LRRC28: variants seen among roughly 807,000 people sequenced by gnomAD.
LRRC28 encodes leucine rich repeat containing 28, also known as leucine-rich repeat-containing protein 28.
In LRRC28, 39 loss-of-function variants were observed where a neutral mutation model predicts 45.7. That is an observed-to-expected ratio of 0.85 (90% CI 0.66 to 1.12). LRRC28 has a LOEUF of 1.12. Among genes scored for constraint, LRRC28 ranks in the 50% most tolerant of loss-of-function variants. LRRC28 has a pLI of 0.00. For missense variants in LRRC28, 435 were observed against 438.5 expected, an observed-to-expected ratio of 0.99 and a Z score of 0.07; for synonymous variants, 206 against 178.8, an observed-to-expected ratio of 1.15 and a Z score of -1.22.
chr15:99,279,446 C>T (rs1401565358), intron 3 of LRRC28, among the ~76,000 whole-genome samples: 2 of 152,142 alleles, frequency 1.3e-5, no homozygotes, highest in Non-Finnish European at 2.9e-5. Context: ...GTGGTTTTTG[C>T]CCTGGGCAAT....
intron 9 of LRRC28, among the ~76,000 whole-genome samples, chr15:99,365,305 A>G (rs1957310132): frequency 6.6e-6 from 1 of 152,272 alleles, no homozygotes; most frequent in South Asian, 2.1e-4. Flanking sequence ...TATATCAAGT[A>G]CATAGGACTA....
intron 8 of LRRC28, among the ~76,000 whole-genome samples, chr15:99,362,841 A>C (rs1429325734): frequency 1.3e-5 from 2 of 152,014 alleles, no homozygotes; most frequent in Non-Finnish European, 2.9e-5. Context: ...ATTTTATCTC[A>C]CTTATTCCTT....
chr15:99,284,961 C>G, intron 3 of LRRC28: 1 of 620,120 alleles, frequency 1.6e-6, no homozygotes, highest in South Asian at 1.4e-5. Flanking sequence ...AAAACCACCT[C>G]CACGACCACC....
intron 9 of LRRC28, 117 bp from the exon 10 acceptor site, chr15:99,385,913 A>T (rs532160318): frequency 2.0e-5 from 17 of 834,978 alleles, no homozygotes; most frequent in South Asian, 1.4e-4. Flanking sequence ...TCTATTATGC[A>T]GTTTGTTGAC....
At chr15:99,341,000 G>C (rs761323637) in intron 6 of LRRC28, among the ~76,000 whole-genome samples, 9 of 151,090 alleles carry the variant, frequency 6.0e-5, no homozygotes, top group Admixed American at 1.3e-4. Context: ...GCTTCTTTTT[G>C]AGCTCTGTCT....
intron 2 of LRRC28, among the ~76,000 whole-genome samples, chr15:99,272,837 GTAA>G (rs1389888155): frequency 3.9e-5 from 6 of 152,268 alleles, no homozygotes; most frequent in East Asian, 3.9e-4. Context: ...AAAAAAGAAG[GTAA>G]TAATAGATTT....
intron 9 of LRRC28, among the ~76,000 whole-genome samples, chr15:99,379,243 A>G (rs1004688739): frequency 1.3e-5 from 2 of 152,172 alleles, no homozygotes; most frequent in African/African-American, 4.8e-5. Context: ...CTGGGATTCA[A>G]CTTCTTCCTG....
chr15:99,260,058 A>C (rs2152125788), intron 2 of LRRC28: 1 of 542,694 alleles, frequency 1.8e-6, no homozygotes, highest in African/African-American at 1.9e-5. Flanking sequence ...GTGGAGAGGG[A>C]ATGTGAAATG....
intron 5 of LRRC28, among the ~76,000 whole-genome samples, chr15:99,297,952 C>T (rs1373412469): frequency 1.3e-5 from 2 of 151,218 alleles, no homozygotes; most frequent in African/African-American, 4.9e-5. Flanking sequence ...GTGACAAATA[C>T]ATACAGAAAA....
In LRRC28 at chr15:99,327,072, G is replaced by GT. The variant is rs1195299280; in HGVS notation, c.386-6842dup. On this transcript the variant is annotated intron_variant, in intron 5 of 9. Transcript: ENST00000301981. Reference sequence around the variant, plus strand: ...AGATTTAAAATTACGAATTCAGTTTGTTTTTTTTTAATTTTTTTTGAGACA... The same window carrying GT: ...AGATTTAAAATTACGAATTCAGTTTGTTTTTTTTTTAATTTTTTTTGAGACA... 5.0e-4 allele frequency among the ~76,000 whole-genome samples: 76 copies of GT among 150,860 alleles called. 1 individual carries two copies. The highest frequency in any genetic ancestry group is 3.1e-3 in the East Asian group (16 of 5,152).
chr15:99,344,006 G>A (rs1305386922), intron 6 of LRRC28, among the ~76,000 whole-genome samples: 1 of 152,238 alleles, frequency 6.6e-6, no homozygotes, highest in Non-Finnish European at 1.5e-5. Context: ...GCGCTGCGGT[G>A]TCCTGGCCTC....
At chr15:99,281,450 T>A (rs1456966685) in intron 3 of LRRC28, among the ~76,000 whole-genome samples, 3 of 151,120 alleles carry the variant, frequency 2.0e-5, no homozygotes, top group Admixed American at 6.6e-5. Context: ...GAAGTTCTGT[T>A]TATTTTTCTT....
intron 9 of LRRC28, among the ~76,000 whole-genome samples, chr15:99,377,904 C>T (rs1957694382): frequency 6.6e-6 from 1 of 152,050 alleles, no homozygotes; most frequent in Non-Finnish European, 1.5e-5. Context: ...TGGTCTATAG[C>T]TCTGTTTTGG....
At chr15:99,293,248 A>G (rs2152224795) in intron 5 of LRRC28, among the ~76,000 whole-genome samples, 1 of 152,144 alleles carries the variant, frequency 6.6e-6, no homozygotes, top group Middle Eastern at 3.4e-3. Context: ...TTTTATTTCA[A>G]TGTATGCTGT....
intron 5 of LRRC28, among the ~76,000 whole-genome samples, chr15:99,321,137 G>A (rs1466597819): frequency 2.0e-5 from 3 of 152,006 alleles, no homozygotes; most frequent in African/African-American, 7.2e-5. Context: ...TCATTTTGGG[G>A]GTAGATTTGA....
intron 5 of LRRC28, among the ~76,000 whole-genome samples, chr15:99,288,751 C>T (rs1205859532): frequency 6.6e-6 from 1 of 152,040 alleles, no homozygotes; most frequent in South Asian, 2.1e-4. Flanking sequence ...GTGATCTCGG[C>T]TCACTGCAGC....
chr15:99,309,814 G>A (rs1403928865), intron 5 of LRRC28, among the ~76,000 whole-genome samples: 1 of 152,204 alleles, frequency 6.6e-6, no homozygotes, highest in Non-Finnish European at 1.5e-5. Context: ...ACCCTCCCTT[G>A]AGGACAGTGC....
intron 6 of LRRC28, among the ~76,000 whole-genome samples, chr15:99,347,116 C>G (rs1956708658): frequency 6.6e-6 from 1 of 152,070 alleles, no homozygotes; most frequent in African/African-American, 2.4e-5. Flanking sequence ...GATCTCTGAA[C>G]TTGTTCATCC....
rs772673836 is a variant in LRRC28, at chr15:99,334,144, TTAAAG to T, written c.592+21_592+25del. The T allele has an allele frequency of 1.2e-6, 2 of 1,613,862 alleles. No homozygotes were observed. Among genetic ancestry groups the T allele is most frequent in the Middle Eastern group, 1.7e-4 (1 of 6,058 alleles). ...TTTGCCACTTGGTAAGTGATTGTGTTTAAAGTAAAGCAGCCAAAGAATAAGATGGA... is the reference window on the plus strand; with the variant it reads ...TTTGCCACTTGGTAAGTGATTGTGTTTAAAGCAGCCAAAGAATAAGATGGA... On this transcript the variant is annotated intron_variant, in intron 6 of 9. Coordinates refer to ENST00000301981, the MANE Select transcript of LRRC28 (RefSeq NM_144598.5).
Sources: gnomAD v4.1 joint callset for allele counts (sites outside exome capture counted in the v4.1 genomes callset) on GRCh38, gnomAD v4.1.1 for gene constraint, MANE v1.5 for transcripts, NCBI Gene and HGNC (gene_info 2026-07-23, HGNC 2026-07-21) for gene names.